The following APP variants were observed in gnomAD, a reference collection of about 807,000 sequenced individuals.
APP encodes the protein amyloid beta precursor protein.
APP carries 31 observed loss-of-function variants against 101.4 expected under a neutral mutation model. The ratio of observed to expected loss-of-function variants is 0.31; its 90% CI spans 0.23 to 0.41. The LOEUF (loss-of-function observed/expected upper bound fraction) is 0.41, where lower values mean the gene tolerates loss of function less well. Among genes scored for constraint, APP ranks in the 10% least tolerant of loss-of-function variants. The pLI, the probability that APP is intolerant of heterozygous loss-of-function variation, is 1.00. For synonymous variants in APP, 366 were observed against 364.4 expected, an observed-to-expected ratio of 1.00 and a Z score of -0.05; for missense variants, 839 against 1,003.7, an observed-to-expected ratio of 0.84 and a Z score of 2.22.
intron 5 of APP, among the ~76,000 whole-genome samples, chr21:26,023,975 T>C (rs1488231468): frequency 6.6e-6 from 1 of 152,128 alleles, no homozygotes. Flanking sequence ...TGCATCATAG[T>C]TTGTAAAAAA....
intron 5 of APP, among the ~76,000 whole-genome samples, chr21:26,050,308 A>T (rs983122741): frequency 1.3e-5 from 2 of 152,178 alleles, no homozygotes; most frequent in African/African-American, 4.8e-5. Flanking sequence ...GACAGCATAA[A>T]ATCAATGCCT....
At chr21:26,060,358 G>C (rs2046223112) in intron 3 of APP, among the ~76,000 whole-genome samples, 1 of 152,176 alleles carries the variant, frequency 6.6e-6, no homozygotes, top group African/African-American at 2.4e-5. Context: ...GAGAATCTGA[G>C]TGATCAACTC....
chr21:25,972,003 G>T (rs1235146474), intron 11 of APP, among the ~76,000 whole-genome samples: 4 of 152,318 alleles, frequency 2.6e-5, no homozygotes, highest in African/African-American at 9.6e-5. Flanking sequence ...AAAAAATTAT[G>T]AGGCATAAAA....
intron 6 of APP, among the ~76,000 whole-genome samples, chr21:26,019,907 C>T (rs62222417): frequency 1 from 152,372 of 152,372 alleles, 76,186 homozygotes; most frequent in Non-Finnish European, 1. Context: ...GAAAGCATGT[C>T]TCAGTATTTG....
At chr21:25,955,103 C>A (rs1345195071) in intron 12 of APP, among the ~76,000 whole-genome samples, 3 of 152,034 alleles carry the variant, frequency 2.0e-5, no homozygotes, top group Non-Finnish European at 4.4e-5. Context: ...CCCTAGAAAA[C>A]AACGTATTTC....
intron 1 of APP, among the ~76,000 whole-genome samples, chr21:26,168,954 T>C (rs1227095162): frequency 1.3e-5 from 2 of 152,176 alleles, no homozygotes; most frequent in Non-Finnish European, 2.9e-5. Flanking sequence ...CAGGAAAACA[T>C]CTGCCCGGAA....
Position 26,082,230 on chromosome 21 carries a change from A to AAAT in APP, c.355+7712_355+7713insATT, listed in dbSNP as rs1555871210. 1.4e-3 allele frequency among the ~76,000 whole-genome samples: 218 copies of AAAT among 151,514 alleles called. 1 individual carries two copies. The highest frequency in any genetic ancestry group is 1.6e-3 in the Admixed American group (25 of 15,214). On this transcript the variant is annotated intron_variant, in intron 3 of 17. Coordinates refer to ENST00000346798, the MANE Select transcript of APP (RefSeq NM_000484.4). ...GTGAAACTCCATCTCAAAAATGAAT[A>AAAT]AAATAAATAAATAAATAAATAATCC... is the stretch of plus-strand genomic sequence containing the variant.
chr21:26,107,625 A>G (rs1353422663), intron 2 of APP, among the ~76,000 whole-genome samples: 1 of 152,122 alleles, frequency 6.6e-6, no homozygotes, highest in Non-Finnish European at 1.5e-5. Context: ...GTTTGCCTTC[A>G]ATGCTGCAAT....
intron 6 of APP, among the ~76,000 whole-genome samples, chr21:26,003,248 G>A (rs756448812): frequency 5.7e-4 from 87 of 152,364 alleles, no homozygotes; most frequent in Non-Finnish European, 8.8e-4. Context: ...TGTTAATTAA[G>A]TAAATAGTAT....
At chr21:26,040,853 A>C (rs1473384894) in intron 5 of APP, among the ~76,000 whole-genome samples, 1 of 152,204 alleles carries the variant, frequency 6.6e-6, no homozygotes, top group Non-Finnish European at 1.5e-5. Context: ...ATACAAAAAT[A>C]TATATTAAAA....
At chr21:25,961,530 C>A (rs2041580104) in intron 11 of APP, among the ~76,000 whole-genome samples, 1 of 151,144 alleles carries the variant, frequency 6.6e-6, no homozygotes, top group African/African-American at 2.5e-5. Flanking sequence ...GCATATTTCA[C>A]TCAAATAAAT....
intron 11 of APP, among the ~76,000 whole-genome samples, chr21:25,966,866 G>A (rs779865560): frequency 6.6e-6 from 1 of 152,154 alleles, no homozygotes; most frequent in East Asian, 1.9e-4. Context: ...ATATAGTGGC[G>A]AAAAATTTAT....
chr21:26,156,031 T>G (rs1015968733), intron 1 of APP, among the ~76,000 whole-genome samples: 3 of 151,600 alleles, frequency 2.0e-5, no homozygotes, highest in African/African-American at 7.3e-5. Context: ...AGATACCACT[T>G]CATTTATGCT....
At chr21:26,111,450 G>A (rs1296705645) in intron 2 of APP, among the ~76,000 whole-genome samples, 1 of 152,018 alleles carries the variant, frequency 6.6e-6, no homozygotes. Flanking sequence ...TGAAAGGAGT[G>A]TGGAGGGCTG....
intron 6 of APP, among the ~76,000 whole-genome samples, chr21:26,019,099 C>T (rs750595765): frequency 6.6e-6 from 1 of 152,202 alleles, no homozygotes; most frequent in Non-Finnish European, 1.5e-5. Context: ...ACTCCTTGTT[C>T]ACCTGTTACC....
chr21:26,104,140 C>A (rs2062126332), intron 2 of APP, among the ~76,000 whole-genome samples: 1 of 152,074 alleles, frequency 6.6e-6, no homozygotes, highest in African/African-American at 2.4e-5. Flanking sequence ...CTTATAAGGG[C>A]ACTAGTTCCA....
At chr21:25,950,420 G>C (rs1027559299) in intron 13 of APP, among the ~76,000 whole-genome samples, 13 of 137,850 alleles carry the variant, frequency 9.4e-5, no homozygotes, top group African/African-American at 2.7e-4. Context: ...TGCTCTTGAC[G>C]CCCAGGCTGG....
chr21:26,143,754 T>TGAG (rs1569027980), intron 1 of APP, among the ~76,000 whole-genome samples: 1 of 152,200 alleles, frequency 6.6e-6, no homozygotes, highest in African/African-American at 2.4e-5. Flanking sequence ...CTTGTTTCCA[T>TGAG]GAGTTTGAGT....
rs929400017 is a variant in APP, at chr21:26,112,270, G to A, written c.58-124C>T. 72 of 968,040 alleles carry A rather than the reference G, an allele frequency of 7.4e-5. No homozygotes were observed. In the Admixed American group the frequency reaches 8.7e-4, roughly 12 times the overall value. The allele number at this position is 968,040 out of a possible 1,614,324, so 60.0% of individuals were successfully genotyped here. ...CTCATTCTCAATTAGGAATCAGCCC[G>A]GTCTTCAACACTCCTTTAGATTAAG... On this transcript the variant is annotated intron_variant, in intron 1 of 17. Coordinates refer to ENST00000346798, the MANE Select transcript of APP (RefSeq NM_000484.4).
Sources: gnomAD v4.1 joint callset for allele counts (sites outside exome capture counted in the v4.1 genomes callset) on GRCh38, gnomAD v4.1.1 for gene constraint, MANE v1.5 for transcripts, NCBI Gene and HGNC (gene_info 2026-07-23, HGNC 2026-07-21) for gene names.